The following GPBP1 variants were observed in gnomAD, a reference collection of about 807,000 sequenced individuals.
The protein encoded by GPBP1 is vasculin.
Under a neutral mutation model 56.5 loss-of-function variants are expected in GPBP1, and 13 were observed. The observed-to-expected ratio is 0.23, with a 90% CI of 0.15 to 0.37. The LOEUF is 0.37. Ranked by LOEUF, GPBP1 falls within the 10% of genes least tolerant of loss-of-function variation. The probability of loss-of-function intolerance (pLI) is 1.00; values close to 1 mark genes in which losing one functional copy is unlikely to be tolerated. For synonymous variants in GPBP1, 204 were observed against 188.9 expected, an observed-to-expected ratio of 1.08 and a Z score of -0.66; for missense variants, 477 against 572.3, an observed-to-expected ratio of 0.83 and a Z score of 1.70.
Position 57,230,980 on chromosome 5 carries a change from C to T in GPBP1, c.187+11C>T, listed in dbSNP as rs984762195. The stretch of plus-strand genomic sequence containing the variant: ...GGCGTCCTAATGGAGGTAAAATTTG[C>T]TAAGGAATGATGTTTATGGCTAATT... On this transcript the variant is annotated intron_variant, in intron 4 of 11. Coordinates refer to ENST00000506184, the MANE Select transcript of GPBP1 (RefSeq NM_022913.4). The T allele has an allele frequency of 2.5e-6, 4 of 1,586,860 alleles. No homozygotes were observed. In the African/African-American group the frequency reaches 5.5e-5, roughly 22 times the overall value.
intron 2 of GPBP1, among the ~76,000 whole-genome samples, chr5:57,181,141 C>T (rs1422583206): frequency 6.6e-6 from 1 of 152,130 alleles, no homozygotes; most frequent in South Asian, 2.1e-4. Flanking sequence ...CGAGACTAGC[C>T]TGAGAAACAT....
At chr5:57,190,332 C>G (rs944343588) in intron 2 of GPBP1, among the ~76,000 whole-genome samples, 2 of 151,978 alleles carry the variant, frequency 1.3e-5, no homozygotes, top group African/African-American at 4.8e-5. Flanking sequence ...TACCTGTAAT[C>G]CCAGCACTTT....
chr5:57,248,889 G>A (rs1205425433), intron 8 of GPBP1: 2 of 152,298 alleles, frequency 1.3e-5, no homozygotes, highest in African/African-American at 4.8e-5. Flanking sequence ...ATGACACAGA[G>A]TTTTAACATT....
intron 3 of GPBP1, among the ~76,000 whole-genome samples, chr5:57,215,277 T>C (rs1217877135): frequency 6.6e-6 from 1 of 152,244 alleles, no homozygotes; most frequent in Admixed American, 6.5e-5. Context: ...ATTTTAAATA[T>C]TGATCTCCTT....
At chr5:57,246,132 G>C (rs1243608260) in intron 6 of GPBP1, 168 bp from the exon 7 acceptor site, 1 of 503,420 alleles carries the variant, frequency 2.0e-6, no homozygotes, top group Non-Finnish European at 3.5e-6. Context: ...AGCTTTACTT[G>C]TTCAATTGGA....
At chr5:57,191,316 A>C (rs1754515950) in intron 2 of GPBP1, among the ~76,000 whole-genome samples, 1 of 150,298 alleles carries the variant, frequency 6.7e-6, no homozygotes, top group African/African-American at 2.5e-5. Context: ...CTGGTCTTGA[A>C]CTCCGGACCT....
At chr5:57,249,251 G>A (rs1372742510) in intron 8 of GPBP1, 158 bp from the exon 9 acceptor site, 4 of 506,398 alleles carry the variant, frequency 7.9e-6, no homozygotes, top group African/African-American at 2.0e-5. Flanking sequence ...CATTCAGTAG[G>A]GGAAAAAACA....
intron 2 of GPBP1, among the ~76,000 whole-genome samples, chr5:57,178,201 C>G (rs763464187): frequency 1.3e-5 from 2 of 152,158 alleles, no homozygotes; most frequent in Non-Finnish European, 2.9e-5. Context: ...GAACTGGAGT[C>G]AAACGATCAT....
intron 5 of GPBP1, among the ~76,000 whole-genome samples, chr5:57,234,695 C>G (rs1296277075): frequency 6.6e-6 from 1 of 152,206 alleles, no homozygotes; most frequent in Non-Finnish European, 1.5e-5. Flanking sequence ...CAAGAGCTTT[C>G]ACGTGTGAGA....
chr5:57,204,918 AAG>A (rs1295114024), intron 2 of GPBP1, among the ~76,000 whole-genome samples: 27 of 152,314 alleles, frequency 1.8e-4, no homozygotes, highest in African/African-American at 6.5e-4. Flanking sequence ...TAATTTATTC[AAG>A]AGATTATAAT....
rs1459521272 is a variant in GPBP1 at position 57,177,654 on chromosome 5, T to A, written c.-58+1254T>A. On this transcript the variant is annotated intron_variant, in intron 2 of 11. Transcript: ENST00000506184. ...ACGCTCGGCCAATTTTTGCCTTTTTTTTTTTTTTTTTTTTTTTTTTTTTTA... is the reference window on the plus strand; with the variant it reads ...ACGCTCGGCCAATTTTTGCCTTTTTATTTTTTTTTTTTTTTTTTTTTTTTA... Among the ~76,000 whole-genome samples, 382 of 67,772 alleles carry A rather than the reference T, an allele frequency of 5.6e-3. 4 individuals are homozygous for A. The highest frequency in any genetic ancestry group is 0.018 in the African/African-American group (365 of 20,216). The allele number at this position is 67,772 out of a possible 152,430, so 44.5% of individuals were successfully genotyped here. A position where few individuals can be genotyped will look rare whatever the true frequency, so the allele number is the denominator to read the frequency against.
At chr5:57,244,698 C>T (rs1481271709) in intron 6 of GPBP1, among the ~76,000 whole-genome samples, 3 of 149,510 alleles carry the variant, frequency 2.0e-5, no homozygotes, top group African/African-American at 7.4e-5. Context: ...GAGTACAATC[C>T]TAATATTATT....
At chr5:57,232,299 A>C (rs930054164) in intron 5 of GPBP1, among the ~76,000 whole-genome samples, 4 of 152,178 alleles carry the variant, frequency 2.6e-5, no homozygotes, top group African/African-American at 9.7e-5. Context: ...CTTCAAAGAG[A>C]CTTTCTTCCT....
chr5:57,198,511 T>C (rs1754860521), intron 2 of GPBP1, among the ~76,000 whole-genome samples: 1 of 152,160 alleles, frequency 6.6e-6, no homozygotes, highest in African/African-American at 2.4e-5. Flanking sequence ...TATATTTCTA[T>C]TATGGTAGTG....
intron 2 of GPBP1, among the ~76,000 whole-genome samples, chr5:57,202,933 T>C (rs767340554): frequency 7.2e-5 from 11 of 152,208 alleles, no homozygotes; most frequent in Non-Finnish European, 1.5e-4. Context: ...CAAAAAAGGA[T>C]TCCATAGGCT....
intron 3 of GPBP1, among the ~76,000 whole-genome samples, chr5:57,228,642 A>G (rs909848169): frequency 4.8e-4 from 73 of 152,142 alleles, no homozygotes; most frequent in African/African-American, 1.8e-3. Context: ...TATTTTACTC[A>G]GATTTCAGCG....
intron 2 of GPBP1, among the ~76,000 whole-genome samples, chr5:57,177,648 CTTTTTTTTTTTTTT>C (rs58708281): frequency 0.33 from 30,874 of 92,794 alleles, 4,616 homozygotes; most frequent in Middle Eastern, 0.47. Flanking sequence ...CAATTTTTGC[CTTTTTTTTTTTTTT>C]TTTTTTTTTT....
At chr5:57,207,454 A>C (rs1360293592) in intron 2 of GPBP1, among the ~76,000 whole-genome samples, 1 of 152,076 alleles carries the variant, frequency 6.6e-6, no homozygotes, top group Non-Finnish European at 1.5e-5. Context: ...GCATGCAGAC[A>C]GGGCAGGCTG....
chr5:57,246,650 G>GGT (rs1741104379), intron 7 of GPBP1, among the ~76,000 whole-genome samples, 166 bp downstream of exon 7: 1 of 151,906 alleles, frequency 6.6e-6, no homozygotes, highest in South Asian at 2.1e-4. Context: ...TCTTTGATGT[G>GGT]GTGTGTGCGT....
Sources: gnomAD v4.1 joint callset for allele counts (sites outside exome capture counted in the v4.1 genomes callset) on GRCh38, gnomAD v4.1.1 for gene constraint, MANE v1.5 for transcripts, NCBI Gene and HGNC (gene_info 2026-07-23, HGNC 2026-07-21) for gene names.